Variants in ATP4A observed in about 807,000 individuals in gnomAD.
The protein encoded by ATP4A is potassium-transporting ATPase alpha chain 1.
Under a neutral mutation model 112.1 loss-of-function variants are expected in ATP4A, and 73 were observed. The observed-to-expected ratio is 0.65, with a 90% CI of 0.54 to 0.79. The LOEUF is 0.79. Among genes scored for constraint, ATP4A ranks in the 30% least tolerant of loss-of-function variants. The probability of loss-of-function intolerance (pLI) is 0.00; values close to 1 mark genes in which losing one functional copy is unlikely to be tolerated. For missense variants in ATP4A, 1,081 were observed against 1,425.9 expected (o/e 0.76, Z 3.90); for synonymous variants, 588 against 588.9 (o/e 1.00, Z 0.02).
rs112719502 is a variant in ATP4A, at chr19:35,557,235, A to C, written c.1694-147T>G. On this transcript the variant is annotated intron_variant, in intron 11 of 21. Coordinates refer to ENST00000262623, the MANE Select transcript of ATP4A (RefSeq NM_000704.3). This position sits in a 1 kb window ranked among gnomAD's most constrained non-coding sequence, Gnocchi z 4.4. ...TGACCCCTTCACTCACATTATCTGAATCTACCCTCACAACCACCCTGTGAG... is the reference window on the plus strand; with the variant it reads ...TGACCCCTTCACTCACATTATCTGACTCTACCCTCACAACCACCCTGTGAG... The C allele has an allele frequency of 3.3e-6, 3 of 909,720 alleles. No homozygotes were observed. The African/African-American group carries it at 5.1e-5, about 15-fold the overall frequency. The allele number at this position is 909,720 out of a possible 1,614,324, so 56.4% of individuals were successfully genotyped here.
In ATP4A at chr19:35,558,372, T is replaced by A. The variant is rs1173990604; in HGVS notation, c.1490A>T (p.Asn497Ile). 49 of 1,610,674 alleles carry A rather than the reference T, an allele frequency of 3.0e-5. No homozygotes were observed. The highest frequency in any genetic ancestry group is 4.2e-5 in the Non-Finnish European group (49 of 1,178,660). ...GGGCCGGCTGCGCACCTGGAACTTGTTGGTGGAGTTGAAGGGTATCTCGCA... is the reference window on the plus strand; with the variant it reads ...GGGCCGGCTGCGCACCTGGAACTTGATGGTGGAGTTGAAGGGTATCTCGCA... The part of the protein sequence containing the change: ...KVCEIPFNST[N>I]KFQLSIHTLE... The change falls in exon 10 of 22, where the codon AAC becomes ATC. Residue 497 changes from asparagine to isoleucine, a missense_variant. By Grantham distance (149) the Asn-to-Ile change is moderately radical. Around this residue, in one of 3 missense-constraint regions of ATP4A, gnomAD observed 850 missense variants for 1,068.2 expected, o/e 0.80. Transcript: ENST00000262623. The surrounding 1 kb of genome is among the most constrained non-coding windows in gnomAD (Gnocchi z 5.1).
Position 35,555,648 on chromosome 19 carries a change from A to G in ATP4A, c.2006+28T>C. 1 of 1,587,032 alleles carries G rather than the reference A, an allele frequency of 6.3e-7. No homozygotes were observed. Among genetic ancestry groups the G allele is most frequent in the Middle Eastern group, 1.7e-4 (1 of 5,964 alleles). ...CTCGGTCTGTGCCAGATGTGGGGAG[A>G]ACCCCGGGGAGGTCTGGGGGGGCTT... is the stretch of plus-strand genomic sequence containing the variant. On this transcript the variant is annotated intron_variant, in intron 13 of 21. Coordinates refer to ENST00000262623, the MANE Select transcript of ATP4A (RefSeq NM_000704.3). This position sits in a 1 kb window ranked among gnomAD's most constrained non-coding sequence, Gnocchi z 6.6.
intron 17 of ATP4A, among the ~76,000 whole-genome samples, 183 bp downstream of exon 17, chr19:35,553,523 G>A (rs1032171631): frequency 6.6e-6 from 1 of 152,138 alleles, no homozygotes; most frequent in Non-Finnish European, 1.5e-5. Context: ...GAGAGAGCAG[G>A]GACACAGCAG....
Position 35,557,266 on chromosome 19 carries a change from T to C in ATP4A, c.1694-178A>G, listed in dbSNP as rs2146309135. 6.6e-6 allele frequency among the ~76,000 whole-genome samples: 1 copy of C among 152,258 alleles called. No individual in the cohort carries two copies. Among genetic ancestry groups the C allele is most frequent in the Middle Eastern group, 3.4e-3 (1 of 292 alleles). Reference sequence around the variant, plus strand: ...CCTCACAACCACCCTGTGAGGCCCATTCTCATCTTACAGATGAGGAAACTG... The same window carrying C: ...CCTCACAACCACCCTGTGAGGCCCACTCTCATCTTACAGATGAGGAAACTG... On this transcript the variant is annotated intron_variant, in intron 11 of 21. Coordinates refer to ENST00000262623, the MANE Select transcript of ATP4A (RefSeq NM_000704.3). The surrounding 1 kb of genome is among the most constrained non-coding windows in gnomAD (Gnocchi z 4.4).
In ATP4A at chr19:35,558,155, G is replaced by A; in HGVS notation, c.1500+207C>T. 2 of 708,070 alleles carry A rather than the reference G, an allele frequency of 2.8e-6. No homozygotes were observed. Among genetic ancestry groups the A allele is most frequent in the Non-Finnish European group, 4.6e-6 (2 of 436,284 alleles). The allele number at this position is 708,070 out of a possible 1,614,324, so 43.9% of individuals were successfully genotyped here. The stretch of plus-strand genomic sequence containing the variant: ...GGTGCTCCCCATGGACAGTCCCGCC[G>A]AGGAGAAGCTGTGGGCGGGGCTGGG... On this transcript the variant is annotated intron_variant, in intron 10 of 21. Transcript: ENST00000262623. This position sits in a 1 kb window ranked among gnomAD's most constrained non-coding sequence, Gnocchi z 5.1.
At position 35,555,364 on chromosome 19, in the gene ATP4A, G is replaced by A. The variant is rs373543245; in HGVS notation, c.2158-30C>T. 5.0e-6 allele frequency: 8 copies of A among 1,604,156 alleles called. No individual in the cohort carries two copies. The African/African-American group carries it at 1.1e-4, about 21-fold the overall frequency. On this transcript the variant is annotated intron_variant, in intron 14 of 21. Coordinates refer to ENST00000262623, the MANE Select transcript of ATP4A (RefSeq NM_000704.3). This position sits in a 1 kb window ranked among gnomAD's most constrained non-coding sequence, Gnocchi z 6.6. ...AGGCAGTGGGTGCAGGTGGTGGGTG[G>A]GTGGTCAGTGAGAGGCCGGTCCAAG...
At position 35,559,788 on chromosome 19, in the gene ATP4A, C is replaced by T. The variant is rs767356141; in HGVS notation, c.1056+17G>A. 4.3e-6 allele frequency: 7 copies of T among 1,611,234 alleles called. No individual in the cohort carries two copies. Among genetic ancestry groups the T allele is most frequent in the African/African-American group, 2.7e-5 (2 of 74,840 alleles). ...CAGGCCCCTCAGCTCCCTGCATCCC[C>T]GCCTGCCCCCACTCACTGTGACAGT... On this transcript the variant is annotated intron_variant, in intron 7 of 21. Transcript: ENST00000262623. The surrounding 1 kb of genome is among the most constrained non-coding windows in gnomAD (Gnocchi z 4.1).
chr19:35,560,115 A>G lies in ATP4A; in HGVS notation c.788-42T>C. ...GCGCGACTCAGGGATAGGGGGCGGCAGTGGGGTGTGCACTGCCGTGTGAGC... is the reference window on the plus strand; with the variant it reads ...GCGCGACTCAGGGATAGGGGGCGGCGGTGGGGTGTGCACTGCCGTGTGAGC... On this transcript the variant is annotated intron_variant, in intron 6 of 21. Transcript: ENST00000262623. The surrounding 1 kb of genome is among the most constrained non-coding windows in gnomAD (Gnocchi z 5.1). 1 of 1,608,018 alleles carries G rather than the reference A, an allele frequency of 6.2e-7. No homozygotes were observed.
At position 35,559,122 on chromosome 19, in the gene ATP4A, C is replaced by T; in HGVS notation, c.1126G>A (p.Glu376Lys). 1 of 1,614,198 alleles carries T rather than the reference C, an allele frequency of 6.2e-7. No individual in the cohort carries two copies. Among genetic ancestry groups the T allele is most frequent in the Non-Finnish European group, 8.5e-7 (1 of 1,180,042 alleles). The change falls in exon 8 of 22, where the codon GAG (glutamate) becomes AAG (lysine). Residue 376 changes from glutamate to lysine, a missense_variant. By Grantham distance (56) the Glu-to-Lys change is moderately conservative. Around this residue, in one of 3 missense-constraint regions of ATP4A, gnomAD observed 850 missense variants for 1,068.2 expected, o/e 0.80. Transcript: ENST00000262623. This position sits in a 1 kb window ranked among gnomAD's most constrained non-coding sequence, Gnocchi z 4.1. ...ATCACCGAAGTGGAGCCCAATGTCT[C>T]CACCGCCTCCAGGTTCTTGACCACG... ...NCVVKNLEAV[E>K]TLGSTSVICS...
rs563754707 is a variant in ATP4A, at chr19:35,550,300, A to G, written c.*315T>C. 3.9e-4 allele frequency: 163 copies of G among 417,786 alleles called. No individual in the cohort carries two copies. Among genetic ancestry groups the G allele is most frequent in the African/African-American group, 3.1e-3 (156 of 49,948 alleles). 25.9% of individuals were successfully genotyped at this position (417,786 alleles called of 1,614,324 possible). Reference sequence around the variant, plus strand: ...GTCCAGCCTGGACTGGAGTCCTAAGAACAGAAACACCCTCCAGAAGCGGTC... The same window carrying G: ...GTCCAGCCTGGACTGGAGTCCTAAGGACAGAAACACCCTCCAGAAGCGGTC... On this transcript the variant is annotated 3_prime_UTR_variant, in exon 22 of 22. Transcript: ENST00000262623. The surrounding 1 kb of genome is among the most constrained non-coding windows in gnomAD (Gnocchi z 4.1).
At position 35,551,717 on chromosome 19, in the gene ATP4A, G is replaced by A. The variant is rs1599569849; in HGVS notation, c.2752-137C>T. ...CTCTGCCTTGCATCAGAGTGTGGGG[G>A]TGGGGGGAAGGAGAGAGGCAGGGTC... On this transcript the variant is annotated intron_variant, in intron 18 of 21. Coordinates refer to ENST00000262623, the MANE Select transcript of ATP4A (RefSeq NM_000704.3). The surrounding 1 kb of genome is among the most constrained non-coding windows in gnomAD (Gnocchi z 5.2). 1 of 1,195,128 alleles carries A rather than the reference G, an allele frequency of 8.4e-7. No individual in the cohort carries two copies. The highest frequency in any genetic ancestry group is 2.6e-5 in the East Asian group (1 of 38,826). The allele number at this position is 1,195,128 out of a possible 1,614,324, so 74.0% of individuals were successfully genotyped here. A position where few individuals can be genotyped will look rare whatever the true frequency, so the allele number is the denominator to read the frequency against.
Position 35,557,957 on chromosome 19 carries a change from G to T in ATP4A, c.1501-110C>A, listed in dbSNP as rs1003173382. 11 of 900,904 alleles carry T rather than the reference G, an allele frequency of 1.2e-5. No homozygotes were observed. The highest frequency in any genetic ancestry group is 1.8e-5 in the Non-Finnish European group (11 of 616,532). 55.8% of individuals were successfully genotyped at this position (900,904 alleles called of 1,614,324 possible). ...GGGGCGGGGCCGAGAGCTCGGTGCG[G>T]GCTCTGAGAGCTGCGGGGAAGGGTG... On this transcript the variant is annotated intron_variant, in intron 10 of 21. Transcript: ENST00000262623. This position sits in a 1 kb window ranked among gnomAD's most constrained non-coding sequence, Gnocchi z 4.4.
rs1343946180 is a variant in ATP4A, at chr19:35,551,728, G to A, written c.2752-148C>T. 1 of 1,106,922 alleles carries A rather than the reference G, an allele frequency of 9.0e-7. No individual in the cohort carries two copies. The highest frequency in any genetic ancestry group is 1.3e-6 in the Non-Finnish European group (1 of 777,062). 68.6% of individuals were successfully genotyped at this position (1,106,922 alleles called of 1,614,324 possible). On this transcript the variant is annotated intron_variant, in intron 18 of 21. Transcript: ENST00000262623. The surrounding 1 kb of genome is among the most constrained non-coding windows in gnomAD (Gnocchi z 5.2). ...ATCAGAGTGTGGGGGTGGGGGGAAG[G>A]AGAGAGGCAGGGTCTGCCAGGTGTG... is the stretch of plus-strand genomic sequence containing the variant.
Position 35,559,669 on chromosome 19 carries a change from A to G in ATP4A, c.1056+136T>C, listed in dbSNP as rs1476842267. 7.3e-6 allele frequency: 10 copies of G among 1,369,952 alleles called. No individual in the cohort carries two copies. Among genetic ancestry groups the G allele is most frequent in the Non-Finnish European group, 8.8e-6 (9 of 1,022,108 alleles). The allele number at this position is 1,369,952 out of a possible 1,614,324, so 84.9% of individuals were successfully genotyped here. A position where few individuals can be genotyped will look rare whatever the true frequency, so the allele number is the denominator to read the frequency against. On this transcript the variant is annotated intron_variant, in intron 7 of 21. Coordinates refer to ENST00000262623, the MANE Select transcript of ATP4A (RefSeq NM_000704.3). The surrounding 1 kb of genome is among the most constrained non-coding windows in gnomAD (Gnocchi z 4.1). The stretch of plus-strand genomic sequence containing the variant: ...GAAGGACTTGCTGAATGAGTGGATG[A>G]TGGGAAGGCAGGAGAATGGATGGGA...
intron 4 of ATP4A, among the ~76,000 whole-genome samples, chr19:35,561,630 A>G (rs1192375146): frequency 6.6e-6 from 1 of 151,280 alleles, no homozygotes; most frequent in Non-Finnish European, 1.5e-5. Flanking sequence ...CCTTGCCCTC[A>G]TCTCTGCCAT....
intron 4 of ATP4A, among the ~76,000 whole-genome samples, chr19:35,561,588 T>C (rs1022804633): frequency 6.6e-6 from 1 of 152,004 alleles, no homozygotes; most frequent in African/African-American, 2.4e-5. Flanking sequence ...CGAGCCTCTG[T>C]CCCATGTCAC....
chr19:35,554,485 T>C (rs1400828202), intron 16 of ATP4A, among the ~76,000 whole-genome samples: 1 of 152,176 alleles, frequency 6.6e-6, no homozygotes. Context: ...ACCGAATAAA[T>C]ACCTGTCAAC....
chr19:35,551,644 C>G lies in ATP4A; in HGVS notation c.2752-64G>C. ...CCTGAGTCCCGGCGGAGAGCCTCTG[C>G]AGCCCACCGGGCATAGGGTCCCAGG... On this transcript the variant is annotated intron_variant, in intron 18 of 21. Transcript: ENST00000262623. The surrounding 1 kb of genome is among the most constrained non-coding windows in gnomAD (Gnocchi z 5.2). 3 of 1,568,256 alleles carry G rather than the reference C, an allele frequency of 1.9e-6. No individual in the cohort carries two copies. The South Asian group carries it at 3.5e-5, about 18-fold the overall frequency.
intron 4 of ATP4A, 43 bp downstream of exon 4, chr19:35,562,392 C>G (rs2071675932): frequency 1.3e-6 from 2 of 1,589,350 alleles, no homozygotes; most frequent in African/African-American, 2.7e-5. Context: ...TCTTCCATCC[C>G]CAGGTCCCCA....
Sources: gnomAD v4.1 joint callset for allele counts (sites outside exome capture counted in the v4.1 genomes callset) on GRCh38, gnomAD v4.1.1 for gene constraint, gnomAD v4.1.1 regional missense constraint, Gnocchi (gnomAD v3.1) non-coding constraint, MANE v1.5 for transcripts, NCBI Gene and HGNC (gene_info 2026-07-23, HGNC 2026-07-21) for gene names.